Variants in CDV3 observed in about 807,000 individuals in gnomAD.
CDV3 encodes protein CDV3 homolog.
Under a neutral mutation model 24.5 loss-of-function variants are expected in CDV3, and 14 were observed. The observed-to-expected ratio is 0.57, with a 90% confidence interval of 0.38 to 0.89. CDV3 has a LOEUF of 0.89. CDV3 is among the 40% of genes least tolerant of loss of function. CDV3 has a pLI of 0.00. For missense variants in CDV3, 304 were observed against 310.2 expected, an observed-to-expected ratio of 0.98 and a Z score of 0.15; for synonymous variants, 114 against 114.1, an observed-to-expected ratio of 1.00 and a Z score of 0.00.
At chr3:133,581,585 A>G (rs992608356) in intron 2 of CDV3, among the ~76,000 whole-genome samples, 3 of 152,104 alleles carry the variant, frequency 2.0e-5, no homozygotes, top group African/African-American at 7.2e-5. Context: ...CATAAGAGGA[A>G]ATTGAGGTAT....
rs544466399 is a variant in CDV3 at position 133,588,742 on chromosome 3, A to G, written c.*696A>G. The G allele has an allele frequency of 1.4e-4, 28 of 202,562 alleles. No individual in the cohort carries two copies. Among genetic ancestry groups the G allele is most frequent in the East Asian group, 2.2e-4 (2 of 8,972 alleles). 12.5% of individuals were successfully genotyped at this position (202,562 alleles called of 1,614,324 possible). A position where few individuals can be genotyped will look rare whatever the true frequency, so the allele number is the denominator to read the frequency against. On this transcript the variant is annotated 3_prime_UTR_variant, in exon 5 of 5. Coordinates refer to ENST00000264993, the MANE Select transcript of CDV3 (RefSeq NM_017548.5). ...CTGAGGTAACCACAAAATAAATTCA[A>G]CCAAACTGGGGTCCACCAAGTGGGG...
chr3:133,581,743 C>G (rs1328655740), intron 2 of CDV3, among the ~76,000 whole-genome samples: 1 of 152,162 alleles, frequency 6.6e-6, no homozygotes, highest in Non-Finnish European at 1.5e-5. Context: ...CAGAGCTACT[C>G]TATAAAACTT....
intron 2 of CDV3, among the ~76,000 whole-genome samples, chr3:133,581,757 A>T (rs1933047442): frequency 6.6e-6 from 1 of 152,184 alleles, no homozygotes; most frequent in South Asian, 2.1e-4. Flanking sequence ...AAAACTTTTT[A>T]AAATTGTTGT....
At chr3:133,575,534 T>G (rs371670289) in intron 2 of CDV3, among the ~76,000 whole-genome samples, 2 of 152,240 alleles carry the variant, frequency 1.3e-5, no homozygotes, top group Admixed American at 6.5e-5. Context: ...TACAGAGAGA[T>G]AGAGGTTTTA....
In CDV3 at chr3:133,588,463, G is replaced by A; in HGVS notation, c.*417G>A. On this transcript the variant is annotated 3_prime_UTR_variant, in exon 5 of 5. Transcript: ENST00000264993. Reference sequence around the variant, plus strand: ...GATTACAACTATTAAGTGTCGATGTGAACCTTGCAACCAGCTCTACTGGAT... The same window carrying A: ...GATTACAACTATTAAGTGTCGATGTAAACCTTGCAACCAGCTCTACTGGAT... 8.2e-7 allele frequency: 1 copy of A among 1,221,582 alleles called. No homozygotes were observed. Among genetic ancestry groups the A allele is most frequent in the South Asian group, 1.3e-5 (1 of 76,194 alleles). The allele number at this position is 1,221,582 out of a possible 1,614,324, so 75.7% of individuals were successfully genotyped here. A position where few individuals can be genotyped will look rare whatever the true frequency, so the allele number is the denominator to read the frequency against.
intron 4 of CDV3, chr3:133,587,505 G>GA (rs1391799351): frequency 9.9e-6 from 11 of 1,112,140 alleles, no homozygotes; most frequent in Non-Finnish European, 1.2e-5. Flanking sequence ...AGAAATCATT[G>GA]ACTAATGAGT....
intron 2 of CDV3, among the ~76,000 whole-genome samples, chr3:133,577,141 C>T (rs896565927): frequency 3.3e-5 from 5 of 151,754 alleles, no homozygotes; most frequent in Non-Finnish European, 7.4e-5. Context: ...CCACAGCACC[C>T]GGCCTAGACT....
In CDV3 at chr3:133,588,149, A is replaced by G. The variant is rs1339945126; in HGVS notation, c.*103A>G. Reference sequence around the variant, plus strand: ...CTGCTGGATCTACAGACACCGATGCAGACCACTCGATTTCATGACCGGCCC... The same window carrying G: ...CTGCTGGATCTACAGACACCGATGCGGACCACTCGATTTCATGACCGGCCC... On this transcript the variant is annotated 3_prime_UTR_variant, in exon 5 of 5. Coordinates refer to ENST00000264993, the MANE Select transcript of CDV3 (RefSeq NM_017548.5). The G allele has an allele frequency of 1.3e-6, 2 of 1,557,844 alleles. No homozygotes were observed. Among genetic ancestry groups the G allele is most frequent in the African/African-American group, 1.4e-5 (1 of 73,098 alleles).
intron 2 of CDV3, among the ~76,000 whole-genome samples, chr3:133,578,164 T>G (rs2074888739): frequency 6.6e-6 from 1 of 151,896 alleles, no homozygotes; most frequent in Non-Finnish European, 1.5e-5. Context: ...TAATCTTACT[T>G]TTTTTTTCTG....
chr3:133,573,874 C>A lies in CDV3; in HGVS notation c.-171C>A. 1 of 312,176 alleles carries A rather than the reference C, an allele frequency of 3.2e-6. No homozygotes were observed. The highest frequency in any genetic ancestry group is 4.7e-6 in the Non-Finnish European group (1 of 214,604). The allele number at this position is 312,176 out of a possible 1,614,324, so 19.3% of individuals were successfully genotyped here. On this transcript the variant is annotated 5_prime_UTR_variant, in exon 1 of 5. Coordinates refer to ENST00000264993, the MANE Select transcript of CDV3 (RefSeq NM_017548.5). The stretch of plus-strand genomic sequence containing the variant: ...GGCGGACCGTACCACCGCTCGCCAG[C>A]ACGCAGGGGGAGCCGCCCGTCTCGC...
intron 2 of CDV3, among the ~76,000 whole-genome samples, chr3:133,579,384 C>T (rs2074932616): frequency 6.6e-6 from 1 of 152,112 alleles, no homozygotes; most frequent in Non-Finnish European, 1.5e-5. Context: ...TGAATTTCAG[C>T]CTGTCTCCCA....
intron 4 of CDV3, 69 bp from the exon 5 acceptor site, chr3:133,587,827 C>T (rs1933771610): frequency 2.0e-6 from 3 of 1,515,934 alleles, no homozygotes; most frequent in East Asian, 2.3e-5. Context: ...TTTTTAAATT[C>T]AAGGACGAAT....
intron 2 of CDV3, among the ~76,000 whole-genome samples, chr3:133,575,964 T>G (rs1321858399): frequency 6.6e-6 from 1 of 152,212 alleles, no homozygotes; most frequent in Non-Finnish European, 1.5e-5. Context: ...CTTGATAAAC[T>G]GTCTCCAGTT....
At chr3:133,583,665 G>A (rs575939855) in intron 2 of CDV3, among the ~76,000 whole-genome samples, 1 of 152,168 alleles carries the variant, frequency 6.6e-6, no homozygotes, top group African/African-American at 2.4e-5. Flanking sequence ...CGGGTTCAAG[G>A]GATTCTCCTG....
Position 133,582,424 on chromosome 3 carries a change from T to G in CDV3, c.318-1578T>G, listed in dbSNP as rs528848365. Among the ~76,000 whole-genome samples, 12 of 152,392 alleles carry G rather than the reference T, an allele frequency of 7.9e-5. No individual in the cohort carries two copies. In the East Asian group the frequency reaches 1.5e-3, roughly 20 times the overall value. The stretch of plus-strand genomic sequence containing the variant: ...GCCTCAGCTCCCAAAGTGCTGGGAT[T>G]ACAGTTGTGAGCCACTGCGCCTGGC... On this transcript the variant is annotated intron_variant, in intron 2 of 4. Transcript: ENST00000264993.
intron 2 of CDV3, among the ~76,000 whole-genome samples, chr3:133,578,070 G>C (rs2074883721): frequency 6.6e-6 from 1 of 152,018 alleles, no homozygotes; most frequent in African/African-American, 2.4e-5. Flanking sequence ...GCTCATTGTA[G>C]TCTTGAACTC....
At chr3:133,579,808 G>T (rs1337660006) in intron 2 of CDV3, among the ~76,000 whole-genome samples, 5 of 151,992 alleles carry the variant, frequency 3.3e-5, no homozygotes, top group Non-Finnish European at 4.4e-5. Flanking sequence ...GGTCAGGGTG[G>T]TCTCGAACTC....
chr3:133,585,808 CTT>C (rs1204961297), intron 3 of CDV3, among the ~76,000 whole-genome samples: 9 of 152,146 alleles, frequency 5.9e-5, no homozygotes, highest in African/African-American at 2.2e-4. Flanking sequence ...TGGCTAGAAT[CTT>C]AAAAAATAAC....
intron 2 of CDV3, among the ~76,000 whole-genome samples, chr3:133,582,310 C>G (rs910468260): frequency 1.3e-5 from 2 of 152,150 alleles, no homozygotes; most frequent in African/African-American, 4.8e-5. Context: ...TGTCACCACA[C>G]CTGGCTAATT....
Sources: gnomAD v4.1 joint callset for allele counts (sites outside exome capture counted in the v4.1 genomes callset) on GRCh38, gnomAD v4.1.1 for gene constraint, MANE v1.5 for transcripts, NCBI Gene and HGNC (gene_info 2026-07-23, HGNC 2026-07-21) for gene names.